Variants in CHCHD3 observed in about 807,000 individuals in gnomAD.
CHCHD3 encodes the protein coiled-coil-helix-coiled-coil-helix domain containing 3, also known as MICOS complex subunit MIC19.
In CHCHD3, 20 loss-of-function variants were observed where a neutral mutation model predicts 38.2. The ratio of observed to expected loss-of-function variants is 0.52; its 90% confidence interval spans 0.37 to 0.76. The LOEUF (loss-of-function observed/expected upper bound fraction) is 0.76, where lower values mean the gene tolerates loss of function less well. Among genes scored for constraint, CHCHD3 ranks in the 30% least tolerant of loss-of-function variants. The pLI, the probability that CHCHD3 is intolerant of heterozygous loss-of-function variation, is 0.00. For synonymous variants in CHCHD3, 82 were observed against 100.0 expected (o/e 0.82, Z 1.07); for missense variants, 245 against 279.2 (o/e 0.88, Z 0.87).
At chr7:133,007,227 G>T (rs770697558) in intron 3 of CHCHD3, among the ~76,000 whole-genome samples, 16 of 152,116 alleles carry the variant, frequency 1.1e-4, no homozygotes, top group Non-Finnish European at 1.5e-5. Context: ...AGCAGACCAG[G>T]CTAATAAAGA....
intron 5 of CHCHD3, among the ~76,000 whole-genome samples, chr7:132,878,034 C>T (rs1808958017): frequency 6.6e-6 from 1 of 152,036 alleles, no homozygotes; most frequent in Admixed American, 6.6e-5. Context: ...TTTCTTAATC[C>T]CATAAACCAA....
At chr7:132,957,242 A>G (rs1052747827) in intron 4 of CHCHD3, among the ~76,000 whole-genome samples, 1 of 152,184 alleles carries the variant, frequency 6.6e-6, no homozygotes. Context: ...GGTGATTACT[A>G]AGATTTCTTC....
intron 4 of CHCHD3, among the ~76,000 whole-genome samples, chr7:132,938,333 T>C (rs1585655594): frequency 6.6e-6 from 1 of 152,244 alleles, no homozygotes; most frequent in African/African-American, 2.4e-5. Context: ...CAAATGAGAA[T>C]AAGGATTCGT....
intron 2 of CHCHD3, among the ~76,000 whole-genome samples, chr7:133,028,701 A>T (rs1457812061): frequency 6.6e-6 from 1 of 152,172 alleles, no homozygotes; most frequent in East Asian, 1.9e-4. Flanking sequence ...CCTGACCAAC[A>T]TGGTGAAACC....
intron 2 of CHCHD3, among the ~76,000 whole-genome samples, chr7:133,055,813 T>C (rs1303127568): frequency 6.6e-6 from 1 of 151,694 alleles, no homozygotes; most frequent in African/African-American, 2.4e-5. Flanking sequence ...TCCCCCACCA[T>C]ACTCACACAT....
At chr7:132,912,225 A>G (rs1288692549) in intron 4 of CHCHD3, among the ~76,000 whole-genome samples, 2 of 152,238 alleles carry the variant, frequency 1.3e-5, no homozygotes, top group African/African-American at 4.8e-5. Context: ...AAGTCTTTAT[A>G]TAACTACCAT....
intron 2 of CHCHD3, among the ~76,000 whole-genome samples, chr7:133,060,176 T>A (rs1188153195): frequency 6.6e-6 from 1 of 152,198 alleles, no homozygotes; most frequent in Non-Finnish European, 1.5e-5. Context: ...CTTTTCCTGC[T>A]TTGCCTAATT....
intron 6 of CHCHD3, among the ~76,000 whole-genome samples, chr7:132,819,033 C>A (rs1369114712): frequency 1.3e-5 from 2 of 152,164 alleles, no homozygotes; most frequent in Non-Finnish European, 2.9e-5. Flanking sequence ...GTCAACATAG[C>A]CACAGGCACC....
intron 2 of CHCHD3, among the ~76,000 whole-genome samples, chr7:133,049,243 T>C (rs967405279): frequency 2.0e-5 from 3 of 152,114 alleles, no homozygotes; most frequent in African/African-American, 4.8e-5. Flanking sequence ...ACAAGGACAA[T>C]CTGTTATATA....
intron 4 of CHCHD3, among the ~76,000 whole-genome samples, chr7:132,963,931 A>C (rs192717109): frequency 6.6e-6 from 1 of 152,246 alleles, no homozygotes; most frequent in South Asian, 2.1e-4. Flanking sequence ...CAATTATACA[A>C]CTACATCCCC....
At chr7:132,884,552 A>G (rs572797980) in intron 5 of CHCHD3, among the ~76,000 whole-genome samples, 1 of 152,292 alleles carries the variant, frequency 6.6e-6, no homozygotes, top group East Asian at 1.9e-4. Flanking sequence ...GACAGCAAAC[A>G]CATTTAACAT....
At chr7:132,795,736 T>G (rs573688723) in intron 7 of CHCHD3, among the ~76,000 whole-genome samples, 1 of 152,330 alleles carries the variant, frequency 6.6e-6, no homozygotes, top group South Asian at 2.1e-4. Context: ...AACAACCATA[T>G]CCAACTGTTA....
intron 5 of CHCHD3, among the ~76,000 whole-genome samples, chr7:132,877,348 A>G (rs1380183115): frequency 6.6e-6 from 1 of 152,012 alleles, no homozygotes; most frequent in Non-Finnish European, 1.5e-5. Flanking sequence ...CTGTATTGAT[A>G]TTTTTCCCCA....
intron 5 of CHCHD3, among the ~76,000 whole-genome samples, chr7:132,860,596 C>T (rs577248438): frequency 1.3e-5 from 2 of 151,886 alleles, no homozygotes; most frequent in East Asian, 1.9e-4. Context: ...AAAGCATGGA[C>T]GGTTTTCAGC....
At chr7:132,972,999 T>C (rs1811649476) in intron 4 of CHCHD3, 1 of 985,338 alleles carries the variant, frequency 1.0e-6, no homozygotes, top group Non-Finnish European at 1.2e-6. Context: ...CTTAATATTT[T>C]AGTTATGTTG....
chr7:132,799,015 G>C (rs948929573), intron 6 of CHCHD3, among the ~76,000 whole-genome samples: 10 of 55,984 alleles, frequency 1.8e-4, no homozygotes, highest in African/African-American at 5.9e-4. Flanking sequence ...TTCTGTGTGT[G>C]TGTGTGTGTG....
chr7:133,057,027 T>C (rs1814359783), intron 2 of CHCHD3, among the ~76,000 whole-genome samples: 1 of 152,224 alleles, frequency 6.6e-6, no homozygotes, highest in Admixed American at 6.5e-5. Context: ...TCATTTCCTC[T>C]GTAGCCCTAT....
intron 3 of CHCHD3, among the ~76,000 whole-genome samples, chr7:133,019,526 A>G (rs886235783): frequency 1.3e-5 from 2 of 152,218 alleles, no homozygotes; most frequent in African/African-American, 4.8e-5. Context: ...TTTATGACTA[A>G]TTTATTAAAC....
chr7:132,903,325 G>T lies in CHCHD3; in HGVS notation c.370-17580C>A, dbSNP rs559731519. 4.1e-5 allele frequency among the ~76,000 whole-genome samples: 6 copies of T among 146,246 alleles called. No homozygotes were observed. In the East Asian group the frequency reaches 1.2e-3, roughly 28 times the overall value. ...TTTTTTATTTGTATTCTTTTTAGTT[G>T]TTATATTGGGGTTTTTTTCTGAATA... is the stretch of plus-strand genomic sequence containing the variant. On this transcript the variant is annotated intron_variant, in intron 4 of 7. Coordinates refer to ENST00000262570, the MANE Select transcript of CHCHD3 (RefSeq NM_017812.4).
Sources: gnomAD v4.1 joint callset for allele counts (sites outside exome capture counted in the v4.1 genomes callset) on GRCh38, gnomAD v4.1.1 for gene constraint, MANE v1.5 for transcripts, NCBI Gene and HGNC (gene_info 2026-07-23, HGNC 2026-07-21) for gene names.